Variants in NUDT19 observed in about 807,000 individuals in gnomAD.
NUDT19 encodes the protein acyl-coenzyme A diphosphatase NUDT19.
In NUDT19, 31 loss-of-function variants were observed where a neutral mutation model predicts 22.2. That is an observed-to-expected ratio of 1.40 (90% CI 1.05 to 1.89). The LOEUF is 1.89. Ranked by LOEUF, NUDT19 falls within the 40% of genes most tolerant of loss-of-function variation. The pLI is 0.00. For missense variants in NUDT19, 752 were observed against 514.2 expected (o/e 1.46, Z -4.47); for synonymous variants, 325 against 230.8 (o/e 1.41, Z -3.70).
chr19:32,697,105 A>G (rs558482935), intron 1 of NUDT19, among the ~76,000 whole-genome samples: 2 of 152,254 alleles, frequency 1.3e-5, no homozygotes, highest in Admixed American at 6.5e-5. Flanking sequence ...AACAAGCCCT[A>G]CCAGGTGATT....
At chr19:32,711,117 T>C (rs1331140467) in intron 2 of NUDT19, among the ~76,000 whole-genome samples, 1 of 152,038 alleles carries the variant, frequency 6.6e-6, no homozygotes, top group Non-Finnish European at 1.5e-5. Context: ...GTCACAGATG[T>C]TTATGGGCCC....
Position 32,692,456 on chromosome 19 carries a change from T to C in NUDT19, c.496T>C (p.Ser166Pro). ...LALEPPPGLA[S>P]WRDRVRQDPR... Reference sequence around the variant, plus strand: ...CCTGGAGCCACCGCCGGGCCTGGCCTCCTGGCGCGACCGCGTGCGCCAGGA... The same window carrying C: ...CCTGGAGCCACCGCCGGGCCTGGCCCCCTGGCGCGACCGCGTGCGCCAGGA... The change falls in exon 1 of 3, where the codon TCC becomes CCC. Residue 166 changes from serine to proline, a missense_variant. By Grantham distance (74) the Ser-to-Pro change is moderately conservative. Transcript: ENST00000397061. 1 of 1,546,808 alleles carries C rather than the reference T, an allele frequency of 6.5e-7. No individual in the cohort carries two copies. The highest frequency in any genetic ancestry group is 1.2e-5 in the South Asian group (1 of 85,440).
intron 1 of NUDT19, among the ~76,000 whole-genome samples, chr19:32,702,675 A>C (rs913370357): frequency 1.2e-4 from 18 of 152,178 alleles, no homozygotes; most frequent in Admixed American, 6.5e-5. Context: ...CAATATAAAA[A>C]CTTTTGCTTT....
intron 1 of NUDT19, among the ~76,000 whole-genome samples, chr19:32,694,063 G>C (rs1358231282): frequency 6.6e-6 from 1 of 152,202 alleles, no homozygotes; most frequent in Non-Finnish European, 1.5e-5. Flanking sequence ...GTTTCCGTTT[G>C]TAAGACCATC....
chr19:32,708,181 A>G (rs1968407980), intron 1 of NUDT19, among the ~76,000 whole-genome samples: 1 of 149,480 alleles, frequency 6.7e-6, no homozygotes, highest in Non-Finnish European at 1.5e-5. Flanking sequence ...TAATCCCAGC[A>G]CTTTGGGAGG....
At position 32,692,477 on chromosome 19, in the gene NUDT19, C is replaced by T. The variant is rs1434485846; in HGVS notation, c.517C>T (p.Gln173Ter). The change falls in exon 1 of 3, where the codon CAG becomes TAG. Residue 173 changes from glutamine to a stop codon, truncating the protein, a stop_gained. Transcript: ENST00000397061. LOFTEE classifies it high-confidence loss of function. ...GLASWRDRVRQDPRHFLRLCA... is the reference protein window; with the variant it reads ...GLASWRDRVR Reference sequence around the variant, plus strand: ...GGCCTCCTGGCGCGACCGCGTGCGCCAGGACCCGCGCCACTTCCTGCGGCT... The same window carrying T: ...GGCCTCCTGGCGCGACCGCGTGCGCTAGGACCCGCGCCACTTCCTGCGGCT... 2 of 1,550,982 alleles carry T rather than the reference C, an allele frequency of 1.3e-6. No homozygotes were observed. Among genetic ancestry groups the T allele is most frequent in the South Asian group, 2.3e-5 (2 of 85,312 alleles).
At chr19:32,697,760 A>G (rs1968281904) in intron 1 of NUDT19, among the ~76,000 whole-genome samples, 1 of 152,200 alleles carries the variant, frequency 6.6e-6, no homozygotes, top group Non-Finnish European at 1.5e-5. Flanking sequence ...TAACACTAGC[A>G]TGACATCTCT....
chr19:32,708,614 T>A (rs1968413152), intron 1 of NUDT19, among the ~76,000 whole-genome samples: 2 of 152,168 alleles, frequency 1.3e-5, no homozygotes, highest in African/African-American at 4.8e-5. Context: ...GACTGTAGGC[T>A]GAGTCATGCC....
chr19:32,697,751 A>C (rs765659785), intron 1 of NUDT19, among the ~76,000 whole-genome samples: 1 of 152,160 alleles, frequency 6.6e-6, no homozygotes, highest in Non-Finnish European at 1.5e-5. Flanking sequence ...GGTTTGATCT[A>C]ACACTAGCAT....
At chr19:32,704,584 C>A (rs1968368536) in intron 1 of NUDT19, among the ~76,000 whole-genome samples, 1 of 151,986 alleles carries the variant, frequency 6.6e-6, no homozygotes, top group Admixed American at 6.6e-5. Flanking sequence ...TTTTTTATTT[C>A]TTTCATCATG....
chr19:32,709,316 T>C lies in NUDT19; in HGVS notation c.846T>C (p.Gly282=), dbSNP rs61742605. The C allele has an allele frequency of 6.2e-7, 1 of 1,614,062 alleles. No homozygotes were observed. Among genetic ancestry groups the C allele is most frequent in the Non-Finnish European group, 8.5e-7 (1 of 1,180,052 alleles). The part of the protein sequence containing the change: ...SLSDLHKFCL[G]RALEGLERWL... ...CTGACTTGCACAAATTTTGTTTGGG[T>C]CGTGCATTAGAAGGACTGGAAAGGT... The change falls in exon 2 of 3, where the codon GGT becomes GGC. Residue 282 remains glycine, a synonymous_variant. Transcript: ENST00000397061.
At chr19:32,694,095 C>G (rs969561751) in intron 1 of NUDT19, among the ~76,000 whole-genome samples, 1 of 152,122 alleles carries the variant, frequency 6.6e-6, no homozygotes, top group Admixed American at 6.5e-5. Context: ...GGCCTTGATT[C>G]TAGAGGAAAC....
rs560916114 is a variant in NUDT19 at position 32,699,981 on chromosome 19, G to A, written c.714+7307G>A. The stretch of plus-strand genomic sequence containing the variant: ...TGTCTGGAGTTGTTTGTTCCTCCTG[G>A]TGCGTTCCTGGTCTCGCTGGCTTGG... On this transcript the variant is annotated intron_variant, in intron 1 of 2. Transcript: ENST00000397061. 4.6e-5 allele frequency among the ~76,000 whole-genome samples: 7 copies of A among 152,284 alleles called. No homozygotes were observed. In the South Asian group the frequency reaches 1.5e-3, roughly 32 times the overall value.
At chr19:32,702,669 A>G (rs981580977) in intron 1 of NUDT19, among the ~76,000 whole-genome samples, 1 of 152,200 alleles carries the variant, frequency 6.6e-6, no homozygotes, top group Non-Finnish European at 1.5e-5. Context: ...TTTATCCAAT[A>G]TAAAAACTTT....
chr19:32,699,527 G>A (rs1336689067), intron 1 of NUDT19, among the ~76,000 whole-genome samples: 2 of 152,188 alleles, frequency 1.3e-5, no homozygotes, highest in Non-Finnish European at 2.9e-5. Context: ...AAGAGTCGGG[G>A]GTTGTTAGCC....
intron 1 of NUDT19, among the ~76,000 whole-genome samples, chr19:32,693,508 G>T (rs1968228438): frequency 6.6e-6 from 1 of 152,242 alleles, no homozygotes; most frequent in South Asian, 2.1e-4. Context: ...TCCCACAGCG[G>T]AAGGGGATCA....
intron 1 of NUDT19, among the ~76,000 whole-genome samples, chr19:32,697,383 C>T (rs188819343): frequency 9.2e-5 from 14 of 152,196 alleles, no homozygotes; most frequent in East Asian, 7.7e-4. Flanking sequence ...TCAAGTGAGT[C>T]GGGTGACAGG....
intron 1 of NUDT19, among the ~76,000 whole-genome samples, chr19:32,699,326 A>AG (rs1346649516): frequency 1.3e-5 from 2 of 152,182 alleles, no homozygotes; most frequent in African/African-American, 4.8e-5. Context: ...GGGTCAGGAT[A>AG]GATAGGATAG....
intron 2 of NUDT19, among the ~76,000 whole-genome samples, chr19:32,709,651 C>T (rs1038879397): frequency 6.6e-6 from 1 of 151,288 alleles, no homozygotes; most frequent in Non-Finnish European, 1.5e-5. Context: ...TATAATTTCT[C>T]ACTTTTTTTT....
Sources: allele counts gnomAD v4.1 joint callset (sites outside exome capture counted in the v4.1 genomes callset), GRCh38; gene constraint gnomAD v4.1.1; transcripts MANE v1.5; gene names NCBI Gene and HGNC (gene_info 2026-07-23, HGNC 2026-07-21).